Variants in KLRG1 observed in about 807,000 individuals in gnomAD.
The protein encoded by KLRG1 is killer cell lectin-like receptor subfamily G member 1.
A neutral mutation model predicts 21.8 loss-of-function variants in KLRG1; 16 were observed. That is an observed-to-expected ratio of 0.73 (90% CI 0.50 to 1.11). The LOEUF (loss-of-function observed/expected upper bound fraction) is 1.11, where lower values mean the gene tolerates loss of function less well. KLRG1 is among the 50% of genes most tolerant of loss of function. The pLI is 0.00. For synonymous variants in KLRG1, 69 were observed against 75.9 expected (o/e 0.91, Z 0.47); for missense variants, 173 against 218.3 (o/e 0.79, Z 1.31).
the KLRG1 span, chr12:9,112,080 G>C: frequency 1.5e-6 from 2 of 1,358,300 alleles, no homozygotes; most frequent in South Asian, 1.2e-5. Context: ...TCCTCTCCCT[G>C]GTCTTCCCTC....
chr12:9,077,863 C>T, the KLRG1 span: 2 of 1,614,082 alleles, frequency 1.2e-6, no homozygotes, highest in Admixed American at 3.3e-5. Context: ...TGAGCCTGAC[C>T]AGGGAGGAAG....
chr12:9,025,707 A>G, the KLRG1 span, among the ~76,000 whole-genome samples: 1 of 152,210 alleles, frequency 6.6e-6, no homozygotes, highest in Admixed American at 6.5e-5. Flanking sequence ...TCAGTGGATG[A>G]ATATGAAGCT....
the KLRG1 span, among the ~76,000 whole-genome samples, chr12:9,178,267 T>C: frequency 5.1e-4 from 77 of 152,356 alleles, no homozygotes; most frequent in African/African-American, 1.8e-3. Context: ...TCTCACACTT[T>C]CCTGCTTCAT....
chr12:9,030,030 A>C, the KLRG1 span, among the ~76,000 whole-genome samples: 2 of 152,248 alleles, frequency 1.3e-5, no homozygotes, highest in South Asian at 4.1e-4. Context: ...CTGAGATTAC[A>C]GGTGTGAGCC....
the KLRG1 span, among the ~76,000 whole-genome samples, chr12:9,188,629 G>T: frequency 3.3e-5 from 5 of 152,278 alleles, no homozygotes; most frequent in East Asian, 9.6e-4. Context: ...AAACCCCATA[G>T]TGTTGGCCCC....
At chr12:9,085,301 G>A in the KLRG1 span, among the ~76,000 whole-genome samples, 4 of 151,928 alleles carry the variant, frequency 2.6e-5, no homozygotes, top group Admixed American at 1.3e-4. Flanking sequence ...TCGTTTCATC[G>A]TATCAAGTAT....
At chr12:9,202,320 A>C in the KLRG1 span, 1 of 1,612,832 alleles carries the variant, frequency 6.2e-7, no homozygotes, top group African/African-American at 1.3e-5. Context: ...GATGCTTACC[A>C]GTTCATTTCG....
At chr12:9,133,240 T>G in the KLRG1 span, among the ~76,000 whole-genome samples, 1 of 152,122 alleles carries the variant, frequency 6.6e-6, no homozygotes, top group African/African-American at 2.4e-5. Flanking sequence ...AAGAAAAAAG[T>G]GATTAATTGG....
At chr12:9,074,629 G>GGTCA in the KLRG1 span, 1 of 1,613,970 alleles carries the variant, frequency 6.2e-7, no homozygotes, top group Non-Finnish European at 8.5e-7. Flanking sequence ...TGGTTGCAGA[G>GGTCA]GTCAGGTCCT....
chr12:9,201,170 C>A, the KLRG1 span: 2 of 1,432,548 alleles, frequency 1.4e-6, no homozygotes, highest in South Asian at 1.3e-5. Context: ...AAGACAAATA[C>A]AGAAGGAAGA....
At chr12:9,111,868 T>A in the KLRG1 span, 4 of 444,822 alleles carry the variant, frequency 9.0e-6, no homozygotes, top group African/African-American at 8.0e-5. Flanking sequence ...TTGAGGATTT[T>A]TCTGTGTCTG....
chr12:9,018,610 G>A, the KLRG1 span, among the ~76,000 whole-genome samples: 1 of 151,558 alleles, frequency 6.6e-6, no homozygotes. Flanking sequence ...CTGAGGCTGA[G>A]GTGGGAGATC....
chr12:9,074,052 C>A, the KLRG1 span, among the ~76,000 whole-genome samples: 5 of 143,472 alleles, frequency 3.5e-5, no homozygotes, highest in Admixed American at 7.2e-5. Flanking sequence ...TGCACCACTG[C>A]ATTCCAGCCT....
chr12:9,013,731 C>T (rs1374024336), downstream of KLRG1, among the ~76,000 whole-genome samples: 1 of 151,992 alleles, frequency 6.6e-6, no homozygotes, highest in East Asian at 1.9e-4. Flanking sequence ...AAAGACCCAC[C>T]CCCATGATTC....
At chr12:9,135,461 C>A in the KLRG1 span, 1 of 367,878 alleles carries the variant, frequency 2.7e-6, no homozygotes, top group Non-Finnish European at 5.2e-6. Context: ...TGTATGAAAG[C>A]CCCACCAGCA....
chr12:8,990,775 C>T, intron 1 of KLRG1, among the ~76,000 whole-genome samples: 1 of 152,056 alleles, frequency 6.6e-6, no homozygotes, highest in East Asian at 1.9e-4. Context: ...TAAAAATTTA[C>T]TTTACTTCTT....
At chr12:9,006,947 A>G (rs990129690) in intron 3 of KLRG1, among the ~76,000 whole-genome samples, 6 of 152,250 alleles carry the variant, frequency 3.9e-5, no homozygotes, top group Admixed American at 1.3e-4. Flanking sequence ...GAATGAACGC[A>G]AAGGGATTTT....
chr12:9,113,335 T>C, the KLRG1 span: 3 of 1,609,864 alleles, frequency 1.9e-6, no homozygotes, highest in East Asian at 6.7e-5. Context: ...GAACCAAGTA[T>C]ATTAAGTCAA....
At chr12:9,199,121 C>A in the KLRG1 span, among the ~76,000 whole-genome samples, 1 of 152,220 alleles carries the variant, frequency 6.6e-6, no homozygotes, top group Middle Eastern at 3.4e-3. Context: ...AGCAGAATGC[C>A]TAGTGAAAAC....
Sources: gnomAD v4.1 joint callset for allele counts (sites outside exome capture counted in the v4.1 genomes callset) on GRCh38, gnomAD v4.1.1 for gene constraint, MANE v1.5 for transcripts, NCBI Gene and HGNC (gene_info 2026-07-23, HGNC 2026-07-21) for gene names.